PDE1A: variants seen among roughly 807,000 people sequenced by gnomAD.
PDE1A encodes the protein phosphodiesterase 1A, also known as dual specificity calcium/calmodulin-dependent 3',5'-cyclic nucleotide phosphodiesterase 1A.
Under a neutral mutation model 61.7 loss-of-function variants are expected in PDE1A, and 35 were observed. The observed-to-expected ratio is 0.57, with a 90% CI of 0.43 to 0.75. PDE1A has a LOEUF of 0.75. Ranked by LOEUF, PDE1A falls within the 30% of genes least tolerant of loss-of-function variation. PDE1A has a pLI of 0.00. For synonymous variants in PDE1A, 232 were observed against 213.2 expected, an observed-to-expected ratio of 1.09 and a Z score of -0.77; for missense variants, 597 against 630.6, an observed-to-expected ratio of 0.95 and a Z score of 0.57.
At chr2:182,587,898 A>G in the PDE1A span, among the ~76,000 whole-genome samples, 1 of 152,246 alleles carries the variant, frequency 6.6e-6, no homozygotes, top group African/African-American at 2.4e-5. Context: ...GAAGACATTT[A>G]GCATGAGAGA....
chr2:182,609,833 A>T, the PDE1A span, among the ~76,000 whole-genome samples: 4 of 53,624 alleles, frequency 7.5e-5, no homozygotes, highest in Non-Finnish European at 2.0e-4. Context: ...TCATGCCTGT[A>T]ATCCCAGCAC....
chr2:182,231,105 T>G (rs1292658286), exon 5 of PDE1A: 1 of 1,600,386 alleles, frequency 6.2e-7, no homozygotes, highest in Non-Finnish European at 8.6e-7. Flanking sequence ...TTAGGGCAAA[T>G]ACATCGAAAG....
chr2:182,462,316 T>C (rs576563061), intron 2 of PDE1A, among the ~76,000 whole-genome samples: 3 of 151,012 alleles, frequency 2.0e-5, no homozygotes, highest in South Asian at 4.2e-4. Flanking sequence ...AAAAAAAGAA[T>C]AGACATATAA....
intron 13 of PDE1A, among the ~76,000 whole-genome samples, chr2:182,169,914 A>ACACGCACG (rs1485621654): frequency 9.8e-6 from 1 of 101,660 alleles, no homozygotes; most frequent in Non-Finnish European, 2.2e-5. Context: ...ACACACACAC[A>ACACGCACG]CACACACGCA....
chr2:182,515,279 C>G (rs1690062453), intron 2 of PDE1A, among the ~76,000 whole-genome samples: 2 of 152,182 alleles, frequency 1.3e-5, no homozygotes, highest in Admixed American at 6.5e-5. Flanking sequence ...TTTGTCTCCT[C>G]TACAGGAACA....
At chr2:182,287,807 T>C (rs557201204) in intron 1 of PDE1A, among the ~76,000 whole-genome samples, 1 of 152,294 alleles carries the variant, frequency 6.6e-6, no homozygotes, top group South Asian at 2.1e-4. Context: ...ATGTAATGTC[T>C]GATGGTAGAC....
Position 182,426,791 on chromosome 2 carries a change from T to A in PDE1A, c.-161A>T. The A allele has an allele frequency of 6.9e-7, 1 of 1,454,010 alleles. No homozygotes were observed. The highest frequency in any genetic ancestry group is 1.5e-5 in the South Asian group (1 of 68,102). The allele number at this position is 1,454,010 out of a possible 1,614,324, so 90.1% of individuals were successfully genotyped here. A position where few individuals can be genotyped will look rare whatever the true frequency, so the allele number is the denominator to read the frequency against. Reference sequence around the variant, plus strand: ...GCTGGGAGAAAACTTCCCTGTTCTCTGCCAGCTGAGCAGTGTGTCCATAGA... The same window carrying A: ...GCTGGGAGAAAACTTCCCTGTTCTCAGCCAGCTGAGCAGTGTGTCCATAGA... On this transcript the variant is annotated 5_prime_UTR_variant, in exon 1 of 14. The change creates a premature stop within an existing upstream ORF in the 5' untranslated region. Coordinates refer to ENST00000351439, the Ensembl canonical transcript of PDE1A.
intron 2 of PDE1A, among the ~76,000 whole-genome samples, chr2:182,495,330 G>A (rs773421882): frequency 2.6e-5 from 4 of 152,126 alleles, no homozygotes; most frequent in Non-Finnish European, 4.4e-5. Flanking sequence ...GAGGAGGCCT[G>A]TCTCTAATGC....
At chr2:182,626,836 T>C in the PDE1A span, among the ~76,000 whole-genome samples, 2 of 31,532 alleles carry the variant, frequency 6.3e-5, no homozygotes, top group Non-Finnish European at 5.8e-5. Flanking sequence ...CATATATATA[T>C]ACATATATAT....
chr2:182,707,334 A>C, the PDE1A span, among the ~76,000 whole-genome samples: 1 of 152,178 alleles, frequency 6.6e-6, no homozygotes, highest in Admixed American at 6.5e-5. Flanking sequence ...GAGAAAAATA[A>C]AAATCAATTA....
chr2:182,175,498 G>A (rs1692658211), intron 13 of PDE1A, among the ~76,000 whole-genome samples: 1 of 141,236 alleles, frequency 7.1e-6, no homozygotes, highest in Admixed American at 7.3e-5. Context: ...AGAAGTGTCT[G>A]TTCATGTCCT....
chr2:182,669,036 A>G, the PDE1A span, among the ~76,000 whole-genome samples: 2 of 152,202 alleles, frequency 1.3e-5, no homozygotes, highest in East Asian at 3.8e-4. Flanking sequence ...TGACCACAGC[A>G]TATCCATTTT....
chr2:182,408,932 G>A (rs1326519332), intron 1 of PDE1A, among the ~76,000 whole-genome samples: 1 of 152,184 alleles, frequency 6.6e-6, no homozygotes, highest in Non-Finnish European at 1.5e-5. Context: ...TTATCGGTAT[G>A]GTGAAGTGAT....
intron 2 of PDE1A, among the ~76,000 whole-genome samples, chr2:182,256,380 C>T (rs1691816587): frequency 6.6e-6 from 1 of 151,592 alleles, no homozygotes; most frequent in Admixed American, 6.6e-5. Context: ...ATGATGGTTT[C>T]CAATTTCATC....
chr2:182,583,647 C>T, the PDE1A span, among the ~76,000 whole-genome samples: 3 of 152,196 alleles, frequency 2.0e-5, no homozygotes, highest in African/African-American at 7.2e-5. Context: ...TTCAATCTCT[C>T]TCCTCTACTG....
intron 13 of PDE1A, among the ~76,000 whole-genome samples, chr2:182,177,347 A>C (rs1188305426): frequency 6.6e-6 from 1 of 151,888 alleles, no homozygotes; most frequent in Non-Finnish European, 1.5e-5. Context: ...GCTATTGATT[A>C]TTGCCACAAT....
chr2:182,179,675 C>T (rs533060143), intron 13 of PDE1A, among the ~76,000 whole-genome samples: 1 of 152,172 alleles, frequency 6.6e-6, no homozygotes, highest in South Asian at 2.1e-4. Context: ...TTCTCTACCC[C>T]CTCCTCTCTC....
At position 182,480,213 on chromosome 2, in the gene PDE1A, A is replaced by G. The variant is rs141651763; in HGVS notation, c.101+42063T>C. On this transcript the variant is annotated intron_variant, in intron 2 of 14. Coordinates refer to the PDE1A transcript ENST00000410103. ...GAATCCAATATCATATTCTCTCCCAATTACAAAAATATGCTACTAACTCAT... is the reference window on the plus strand; with the variant it reads ...GAATCCAATATCATATTCTCTCCCAGTTACAAAAATATGCTACTAACTCAT... 4.5e-4 allele frequency among the ~76,000 whole-genome samples: 68 copies of G among 152,046 alleles called. No individual in the cohort carries two copies. In the East Asian group the frequency reaches 0.012, roughly 27 times the overall value.
the PDE1A span, among the ~76,000 whole-genome samples, chr2:182,599,150 A>G: frequency 6.6e-6 from 1 of 152,168 alleles, no homozygotes; most frequent in East Asian, 1.9e-4. Context: ...GAGCCCAGGA[A>G]GGCCCCCCCT....
Sources: allele counts gnomAD v4.1 joint callset (sites outside exome capture counted in the v4.1 genomes callset), GRCh38; gene constraint gnomAD v4.1.1; transcripts MANE v1.5; gene names NCBI Gene and HGNC (gene_info 2026-07-23, HGNC 2026-07-21).